Variants in AFF2 observed in about 807,000 individuals in gnomAD.
AFF2 encodes AF4/FMR2 family member 2.
In AFF2, 14 loss-of-function variants were observed where a neutral mutation model predicts 76.9. That is an observed-to-expected ratio of 0.18 (90% CI 0.12 to 0.28). AFF2 has a LOEUF of 0.28. Ranked by LOEUF, AFF2 falls within the 10% of genes least tolerant of loss-of-function variation. The pLI is 1.00. For synonymous variants in AFF2, 398 were observed against 366.7 expected (o/e 1.09, Z -0.98); for missense variants, 868 against 1,001.1 (o/e 0.87, Z 1.79).
intron 7 of AFF2, among the ~76,000 whole-genome samples, chrX:148,858,880 A>T (rs1230057856): frequency 1.5e-4 from 17 of 109,780 alleles, no homozygotes; most frequent in African/African-American, 5.6e-4. Context: ...CCTCAAAATG[A>T]TTCTTTTTGG....
chrX:148,920,802 A>C (rs2071586162), intron 9 of AFF2, among the ~76,000 whole-genome samples: 1 of 111,280 alleles, frequency 9.0e-6, no homozygotes. Flanking sequence ...TTGACCCTAG[A>C]AGCTTTTTGC....
chrX:148,586,710 T>C lies in AFF2; in HGVS notation c.48-65289T>C, dbSNP rs781979025. ...TATTTCATTGGTGACCAAAGTACTT[T>C]TTTATTATCTATATTATAATTGATA... On this transcript the variant is annotated intron_variant, in intron 1 of 20. Transcript: ENST00000370460. Among the ~76,000 whole-genome samples the C allele has an allele frequency of 2.7e-5, 3 of 111,890 alleles. No homozygotes were observed. The South Asian group carries it at 1.1e-3, about 42-fold the overall frequency.
At chrX:148,599,294 A>G (rs2053604420) in intron 1 of AFF2, among the ~76,000 whole-genome samples, 1 of 112,518 alleles carries the variant, frequency 8.9e-6, no homozygotes, top group Non-Finnish European at 1.9e-5. Flanking sequence ...TGATGAATTG[A>G]AAAATATATA....
At chrX:148,709,679 A>G (rs1391755769) in intron 3 of AFF2, among the ~76,000 whole-genome samples, 3 of 112,243 alleles carry the variant, frequency 2.7e-5, no homozygotes, top group South Asian at 7.4e-4. Context: ...ACACACTCGC[A>G]GGCAAGTGCA....
At chrX:148,906,771 G>T (rs181088814) in intron 9 of AFF2, among the ~76,000 whole-genome samples, 10 of 111,437 alleles carry the variant, frequency 9.0e-5, no homozygotes, top group Admixed American at 8.5e-4. Context: ...TTTGCTCGCC[G>T]TCCACCACTG....
chrX:148,746,659 T>C (rs1451135067), intron 3 of AFF2, among the ~76,000 whole-genome samples: 1 of 112,838 alleles, frequency 8.9e-6, no homozygotes, highest in Non-Finnish European at 1.9e-5. Context: ...CATTCATTCA[T>C]TCACTCATTC....
chrX:148,581,304 A>ATATACACG (rs2053386050), intron 1 of AFF2, among the ~76,000 whole-genome samples: 1 of 2,937 alleles, frequency 3.4e-4, no homozygotes, highest in African/African-American at 1.0e-3. Context: ...GTGTACACAC[A>ATATACACG]TATACGTATA....
chrX:148,546,314 G>C (rs2052919963), intron 1 of AFF2, among the ~76,000 whole-genome samples: 1 of 111,578 alleles, frequency 9.0e-6, no homozygotes, highest in South Asian at 3.8e-4. Context: ...ACCTGCGCAG[G>C]TAGAGGACCT....
chrX:148,905,937 A>T (rs1244650349), intron 9 of AFF2, among the ~76,000 whole-genome samples: 1 of 112,878 alleles, frequency 8.9e-6, no homozygotes, highest in Non-Finnish European at 1.9e-5. Context: ...TGTTATAAAA[A>T]GAAGGAACAG....
At chrX:148,671,834 A>G (rs1469023115) in intron 3 of AFF2, among the ~76,000 whole-genome samples, 3 of 109,980 alleles carry the variant, frequency 2.7e-5, no homozygotes, top group African/African-American at 9.9e-5. Context: ...CAAACTGTAG[A>G]CTCAGCACAT....
At chrX:148,665,375 G>A (rs2054347779) in intron 3 of AFF2, among the ~76,000 whole-genome samples, 1 of 111,845 alleles carries the variant, frequency 8.9e-6, no homozygotes, top group South Asian at 3.8e-4. Flanking sequence ...GACCTTGCTA[G>A]AGCTCTGTAT....
At chrX:148,920,716 AT>A (rs1450352519) in intron 9 of AFF2, among the ~76,000 whole-genome samples, 1 of 110,324 alleles carries the variant, frequency 9.1e-6, no homozygotes, top group Non-Finnish European at 1.9e-5. Context: ...TCTAAGTTGA[AT>A]TTTGAGCCCT....
intron 1 of AFF2, among the ~76,000 whole-genome samples, chrX:148,614,711 T>TTCTTTCTTTC: frequency 2.2e-5 from 1 of 45,324 alleles, no homozygotes; most frequent in East Asian, 3.7e-4. Flanking sequence ...CTTTCTTTCT[T>TTCTTTCTTTC]TCTTTCTTTC....
chrX:148,581,604 G>C (rs112648378), intron 1 of AFF2, among the ~76,000 whole-genome samples: 1 of 97,773 alleles, frequency 1.0e-5, no homozygotes, highest in Non-Finnish European at 2.0e-5. Context: ...ATACGTATAC[G>C]TGTACACACA....
chrX:148,680,219 A>G (rs2054532295), intron 3 of AFF2, among the ~76,000 whole-genome samples: 1 of 112,399 alleles, frequency 8.9e-6, no homozygotes, highest in Non-Finnish European at 1.9e-5. Flanking sequence ...AATTCCAGTC[A>G]TAATACCTGA....
intron 3 of AFF2, among the ~76,000 whole-genome samples, chrX:148,787,776 A>T (rs894589197): frequency 1.8e-5 from 2 of 112,356 alleles, no homozygotes; most frequent in Admixed American, 1.9e-4. Context: ...ACACTGTGTC[A>T]GTTGCAGTAA....
chrX:148,542,659 T>C (rs781931941), intron 1 of AFF2, among the ~76,000 whole-genome samples: 1 of 111,859 alleles, frequency 8.9e-6, no homozygotes, highest in South Asian at 3.8e-4. Context: ...GCCCACAGGC[T>C]GAAGGGCTGT....
intron 8 of AFF2, among the ~76,000 whole-genome samples, chrX:148,894,997 A>G (rs1280855033): frequency 9.0e-6 from 1 of 111,623 alleles, no homozygotes; most frequent in Admixed American, 9.5e-5. Flanking sequence ...GTAGGGCTTT[A>G]GTTCTTCCCC....
At chrX:148,670,850 C>T (rs182765940) in intron 3 of AFF2, among the ~76,000 whole-genome samples, 21 of 112,021 alleles carry the variant, frequency 1.9e-4, no homozygotes, top group Middle Eastern at 4.7e-3. Flanking sequence ...TACTTTTCTT[C>T]CCTTGGAGTC....
Sources: gnomAD v4.1 joint callset for allele counts (sites outside exome capture counted in the v4.1 genomes callset) on GRCh38, gnomAD v4.1.1 for gene constraint, MANE v1.5 for transcripts, NCBI Gene and HGNC (gene_info 2026-07-23, HGNC 2026-07-21) for gene names.